Variants in PARD3B observed in about 807,000 individuals in gnomAD.
PARD3B encodes the protein par-3 family cell polarity regulator beta.
Under a neutral mutation model 130.2 loss-of-function variants are expected in PARD3B, and 103 were observed. The observed-to-expected ratio is 0.79, with a 90% CI of 0.67 to 0.93. The LOEUF (loss-of-function observed/expected upper bound fraction) is 0.93. Ranked by LOEUF, PARD3B falls within the 40% of genes least tolerant of loss-of-function variation. The probability of loss-of-function intolerance (pLI) is 0.00; values close to 1 mark genes in which losing one functional copy is unlikely to be tolerated. For synonymous variants in PARD3B, 583 were observed against 553.2 expected (o/e 1.05, Z -0.76); for missense variants, 1,609 against 1,499.2 (o/e 1.07, Z -1.21).
chr2:205,121,527 GGTACTTTAGAAGATGCT>G lies in PARD3B; in HGVS notation c.807-62_807-46del. 2.1e-6 allele frequency: 3 copies of G among 1,411,318 alleles called. No homozygotes were observed. The highest frequency in any genetic ancestry group is 3.0e-6 in the Non-Finnish European group (3 of 1,015,036). 87.4% of individuals were successfully genotyped at this position (1,411,318 alleles called of 1,614,324 possible). A position where few individuals can be genotyped will look rare whatever the true frequency, so the allele number is the denominator to read the frequency against. On this transcript the variant is annotated intron_variant, in intron 7 of 22. Transcript: ENST00000406610. The surrounding 1 kb of genome is among the most constrained non-coding windows in gnomAD (Gnocchi z 5.0). The stretch of plus-strand genomic sequence containing the variant: ...CTGCTCTTGGTTGCCATCCTCCTGG[GGTACTTTAGAAGATGCT>G]GCACCTCAAAGCAGGGTCATCATAC...
At chr2:205,159,534 C>G (rs1014358044) in intron 11 of PARD3B, among the ~76,000 whole-genome samples, 1 of 152,196 alleles carries the variant, frequency 6.6e-6, no homozygotes, top group Admixed American at 6.5e-5. Flanking sequence ...TCAGTCCTTG[C>G]TAGCTGTATG....
At chr2:205,433,515 A>C (rs141908951) in intron 19 of PARD3B, among the ~76,000 whole-genome samples, 6,480 of 143,794 alleles carry the variant, frequency 0.045, 148 homozygotes, top group Middle Eastern at 0.062. Flanking sequence ...CTGGGCAACA[A>C]GAGCAAGACT....
At chr2:205,266,962 A>G (rs372946867) in intron 16 of PARD3B, among the ~76,000 whole-genome samples, 93 of 152,168 alleles carry the variant, frequency 6.1e-4, no homozygotes, top group African/African-American at 2.1e-3. Flanking sequence ...AAACGATCTC[A>G]TCCTCAATCT....
intron 6 of PARD3B, among the ~76,000 whole-genome samples, chr2:205,117,331 A>G (rs976477074): frequency 6.6e-6 from 1 of 152,230 alleles, no homozygotes; most frequent in Non-Finnish European, 1.5e-5. Context: ...ACTTGTGCCT[A>G]TGACCCTGAG....
At chr2:205,153,472 A>T (rs2033899303) in intron 10 of PARD3B, among the ~76,000 whole-genome samples, 1 of 152,230 alleles carries the variant, frequency 6.6e-6, no homozygotes, top group Admixed American at 6.5e-5. Flanking sequence ...CATACTGCCC[A>T]AGGTAATTTA....
chr2:205,316,569 C>T (rs1439846722), intron 18 of PARD3B, among the ~76,000 whole-genome samples: 2 of 152,188 alleles, frequency 1.3e-5, no homozygotes, highest in Non-Finnish European at 2.9e-5. Flanking sequence ...GATCCTTTTA[C>T]TTAAACTCCG....
At chr2:204,844,076 T>C (rs2044363085) in intron 2 of PARD3B, among the ~76,000 whole-genome samples, 2 of 152,192 alleles carry the variant, frequency 1.3e-5, no homozygotes, top group African/African-American at 4.8e-5. Flanking sequence ...GAGAAACTAC[T>C]CGTTTGTAAA....
intron 22 of PARD3B, among the ~76,000 whole-genome samples, chr2:205,599,950 G>C (rs2054719601): frequency 6.6e-6 from 1 of 152,180 alleles, no homozygotes; most frequent in Non-Finnish European, 1.5e-5. Context: ...TCATCCGAGA[G>C]TGTGATGTCC....
intron 20 of PARD3B, among the ~76,000 whole-genome samples, chr2:205,456,519 A>G (rs186254867): frequency 7.7e-4 from 117 of 152,190 alleles, no homozygotes; most frequent in African/African-American, 2.8e-3. Flanking sequence ...ACTGTTAGCT[A>G]TAAGTTTTTT....
chr2:204,651,767 A>C (rs964068069), intron 1 of PARD3B, among the ~76,000 whole-genome samples: 1 of 152,208 alleles, frequency 6.6e-6, no homozygotes, highest in Non-Finnish European at 1.5e-5. Context: ...CTTCTGCCTT[A>C]ACATCCAGGC....
At chr2:205,400,503 T>TGC (rs2046210885) in intron 18 of PARD3B, among the ~76,000 whole-genome samples, 1 of 152,126 alleles carries the variant, frequency 6.6e-6, no homozygotes, top group African/African-American at 2.4e-5. Context: ...TAGCTGGGCA[T>TGC]GGTGGTGTGA....
intron 15 of PARD3B, among the ~76,000 whole-genome samples, chr2:205,206,743 G>C (rs562189453): frequency 1.3e-5 from 2 of 152,050 alleles, no homozygotes; most frequent in Non-Finnish European, 2.9e-5. Flanking sequence ...GTAATGGGAT[G>C]GCTGGGTCAA....
intron 1 of PARD3B, among the ~76,000 whole-genome samples, chr2:204,663,625 T>TA (rs1162488553): frequency 6.6e-6 from 1 of 152,222 alleles, no homozygotes; most frequent in African/African-American, 2.4e-5. Flanking sequence ...TTCCTCCTCT[T>TA]ACCAGCTCTT....
intron 20 of PARD3B, among the ~76,000 whole-genome samples, chr2:205,444,786 A>G (rs2047847740): frequency 6.6e-6 from 1 of 152,208 alleles, no homozygotes; most frequent in African/African-American, 2.4e-5. Flanking sequence ...CCAAAACTTT[A>G]ACTTAAAACA....
rs1476140327 is a variant in PARD3B at position 205,288,724 on chromosome 2, TC to T, written c.2186-11804del. Among the ~76,000 whole-genome samples, 1 of 152,216 alleles carries T rather than the reference TC, an allele frequency of 6.6e-6. No individual in the cohort carries two copies. The highest frequency in any genetic ancestry group is 2.4e-5 in the African/African-American group (1 of 41,458). On this transcript the variant is annotated intron_variant, in intron 16 of 22. Coordinates refer to ENST00000406610, the MANE Select transcript of PARD3B (RefSeq NM_001302769.2). The surrounding 1 kb of genome is among the most constrained non-coding windows in gnomAD (Gnocchi z 4.0). ...CCCCCAGGAGACGTGTTTGGACTTT[TC>T]CTCATGCCTTTTCCTCTAAGTGGTG...
intron 18 of PARD3B, among the ~76,000 whole-genome samples, chr2:205,377,863 T>A (rs2045129925): frequency 6.6e-6 from 1 of 151,272 alleles, no homozygotes; most frequent in Non-Finnish European, 1.5e-5. Flanking sequence ...CTCCGTCTTC[T>A]GGGTTCAAGT....
chr2:205,224,294 C>T (rs1466113179), intron 15 of PARD3B, among the ~76,000 whole-genome samples: 1 of 124,416 alleles, frequency 8.0e-6, no homozygotes, highest in Admixed American at 1.0e-4. Context: ...TGGTGTGAGC[C>T]CAGGAGGTGG....
rs16837439 is a variant in PARD3B at position 205,568,206 on chromosome 2, T to C, written c.3260+14803T>C. Among the ~76,000 whole-genome samples the C allele has an allele frequency of 0.13, 20,511 of 152,148 alleles. 2,173 individuals are homozygous for C. The highest frequency in any genetic ancestry group is 0.3 in the African/African-American group (12,270 of 41,472). ...GGCTCAGGGTTCAAAGCAGATCAGT[T>C]GTGGTTGCCTTTCGTGAGAGAAAAC... On this transcript the variant is annotated intron_variant, in intron 22 of 22. Coordinates refer to ENST00000406610, the MANE Select transcript of PARD3B (RefSeq NM_001302769.2). This position sits in a 1 kb window ranked among gnomAD's most constrained non-coding sequence, Gnocchi z 5.3.
intron 1 of PARD3B, among the ~76,000 whole-genome samples, chr2:204,547,230 A>C (rs2030043503): frequency 6.6e-6 from 1 of 152,236 alleles, no homozygotes; most frequent in Non-Finnish European, 1.5e-5. Flanking sequence ...GGGGTTTAAG[A>C]AAATACTTGC....
Sources: allele counts gnomAD v4.1 joint callset (sites outside exome capture counted in the v4.1 genomes callset), GRCh38; gene constraint gnomAD v4.1.1; non-coding constraint Gnocchi (gnomAD v3.1); transcripts MANE v1.5; gene names NCBI Gene and HGNC (gene_info 2026-07-23, HGNC 2026-07-21).